The following DNAH3 variants were observed in gnomAD, a reference collection of about 807,000 sequenced individuals.
DNAH3 encodes the protein dynein axonemal heavy chain 3.
A neutral mutation model predicts 432.5 loss-of-function variants in DNAH3; 332 were observed. The ratio of observed to expected loss-of-function variants is 0.77; its 90% CI spans 0.70 to 0.84. DNAH3 has a LOEUF of 0.84. DNAH3 is among the 40% of genes least tolerant of loss of function. The probability of loss-of-function intolerance (pLI) is 0.00; values close to 1 mark genes in which losing one functional copy is unlikely to be tolerated. For synonymous variants in DNAH3, 1,956 were observed against 1,900.2 expected (o/e 1.03, Z -0.76); for missense variants, 4,861 against 5,114.0 (o/e 0.95, Z 1.51).
At chr16:21,028,436 AGATCAC>A (rs1433519569) in intron 37 of DNAH3, among the ~76,000 whole-genome samples, 1 of 151,634 alleles carries the variant, frequency 6.6e-6, no homozygotes, top group Admixed American at 6.6e-5. Context: ...CGAGGAAGGC[AGATCAC>A]TTGAGGTCAG....
chr16:21,045,035 G>C (rs1178129250), intron 31 of DNAH3, among the ~76,000 whole-genome samples: 1 of 152,126 alleles, frequency 6.6e-6, no homozygotes, highest in African/African-American at 2.4e-5. Flanking sequence ...TACTTGATCA[G>C]GGTGGATAAG....
Position 20,964,521 on chromosome 16 carries a change from TA to T in DNAH3, c.9362del (p.Leu3121Ter). 3 of 1,614,172 alleles carry T rather than the reference TA, an allele frequency of 1.9e-6. No homozygotes were observed. The highest frequency in any genetic ancestry group is 2.5e-6 in the Non-Finnish European group (3 of 1,180,030). On this transcript the variant is annotated frameshift_variant, in exon 53 of 62. Coordinates refer to ENST00000261383, the Ensembl canonical transcript of DNAH3. LOFTEE classifies it high-confidence loss of function. Reference sequence around the variant, plus strand: ...TGTTTTCAATCAAGACAGGGGTGCCTAACTGCAGCGCGTTTTCCAGCATCCT... The same window carrying T: ...TGTTTTCAATCAAGACAGGGGTGCCTACTGCAGCGCGTTTTCCAGCATCCT...
At chr16:21,124,552 T>G (rs2092407203) in intron 9 of DNAH3, among the ~76,000 whole-genome samples, 1 of 152,208 alleles carries the variant, frequency 6.6e-6, no homozygotes, top group South Asian at 2.1e-4. Context: ...AATTAAAAAA[T>G]TGATACTGAT....
At chr16:20,979,358 A>G (rs2085747109) in exon 50 of DNAH3, 1 of 1,613,976 alleles carries the variant, frequency 6.2e-7, no homozygotes, top group South Asian at 1.1e-5. Context: ...GAGTTTCTGC[A>G]AGCCTGTCAG....
At chr16:21,000,937 A>G (rs1045918101) in intron 42 of DNAH3, among the ~76,000 whole-genome samples, 3 of 152,202 alleles carry the variant, frequency 2.0e-5, no homozygotes, top group Non-Finnish European at 4.4e-5. Context: ...GGATCAGTCC[A>G]TAGCTGCTGT....
chr16:21,014,940 G>C (rs2087787318), intron 41 of DNAH3, among the ~76,000 whole-genome samples: 2 of 149,272 alleles, frequency 1.3e-5, no homozygotes, highest in South Asian at 2.1e-4. Context: ...ATAAAAAACA[G>C]TCTAAATAAA....
chr16:20,964,477 G>GCATCCAGCTCTTCTCCAAAC lies in DNAH3; in HGVS notation c.9406_9407insGTTTGGAGAAGAGCTGGATG (p.Ala3136GlyfsTer27). The GCATCCAGCTCTTCTCCAAAC allele has an allele frequency of 6.2e-7, 1 of 1,614,202 alleles. No homozygotes were observed. Among genetic ancestry groups the GCATCCAGCTCTTCTCCAAAC allele is most frequent in the South Asian group, 1.1e-5 (1 of 91,072 alleles). Reference sequence around the variant, plus strand: ...CTTGAGCAAGATAGGTTCGATAGAAGCATCCAGCTCTTCTCCAATGTTTTC... The same window carrying GCATCCAGCTCTTCTCCAAAC: ...CTTGAGCAAGATAGGTTCGATAGAAGCATCCAGCTCTTCTCCAAACCATCCAGCTCTTCTCCAATGTTTTC... On this transcript the variant is annotated frameshift_variant, in exon 53 of 62. Coordinates refer to ENST00000261383, the Ensembl canonical transcript of DNAH3. LOFTEE classifies it high-confidence loss of function.
intron 41 of DNAH3, among the ~76,000 whole-genome samples, chr16:21,005,336 TTTCCTTCC>T (rs995464196): frequency 7.2e-6 from 1 of 139,200 alleles, no homozygotes; most frequent in Non-Finnish European, 1.6e-5. Flanking sequence ...TCCTTCCTTC[TTTCCTTCC>T]TTCCTTCCTC....
chr16:21,136,222 T>C (rs2092641035), intron 6 of DNAH3, 102 bp downstream of exon 7: 6 of 1,166,520 alleles, frequency 5.1e-6, no homozygotes, highest in Non-Finnish European at 7.4e-6. Context: ...CAGACCAGCC[T>C]GAGCAACAAA....
At chr16:20,969,611 C>T (rs762246986) in intron 52 of DNAH3, among the ~76,000 whole-genome samples, 181 bp downstream of exon 52, 1 of 152,242 alleles carries the variant, frequency 6.6e-6, no homozygotes, top group African/African-American at 2.4e-5. Flanking sequence ...GGGCGGAGGC[C>T]GCTGGAGAAG....
chr16:21,075,679 G>C (rs894222301), intron 20 of DNAH3, 118 bp from the exon 21 acceptor site: 1 of 765,846 alleles, frequency 1.3e-6, no homozygotes. Context: ...TTGGGAGGCC[G>C]AGGAGGGAAG....
intron 44 of DNAH3, among the ~76,000 whole-genome samples, chr16:20,990,099 G>C (rs1380060966): frequency 6.6e-6 from 1 of 152,242 alleles, no homozygotes; most frequent in Non-Finnish European, 1.5e-5. Context: ...ATAGTGCAGC[G>C]GTGGGCTGAA....
exon 19 of DNAH3, chr16:21,086,978 G>C (rs1376836582): frequency 1.2e-6 from 2 of 1,614,144 alleles, no homozygotes; most frequent in East Asian, 2.2e-5. Flanking sequence ...CATCAGACAA[G>C]GTCTTGATCA....
In DNAH3 at chr16:21,098,783, C is replaced by T; in HGVS notation, c.2367-14G>A. 3 of 1,606,690 alleles carry T rather than the reference C, an allele frequency of 1.9e-6. No individual in the cohort carries two copies. The highest frequency in any genetic ancestry group is 1.7e-6 in the Non-Finnish European group (2 of 1,177,762). ...AATTCTGAGCATCTGAAAATAAAGA[C>T]AGCCTGGTTACCTTTGGACTTTGCA... On this transcript the variant is annotated splice_polypyrimidine_tract_variant and intron_variant, in intron 16 of 61. Transcript: ENST00000261383.
At chr16:21,015,843 T>C (rs774694525) in intron 41 of DNAH3, among the ~76,000 whole-genome samples, 5 of 152,084 alleles carry the variant, frequency 3.3e-5, no homozygotes, top group Non-Finnish European at 7.4e-5. Flanking sequence ...CCAGGTTGGA[T>C]TGCAGTGGTG....
chr16:21,041,928 C>T, intron 32 of DNAH3, 99 bp downstream of exon 32: 1 of 1,420,522 alleles, frequency 7.0e-7, no homozygotes, highest in South Asian at 1.2e-5. Context: ...CCACCTTGGC[C>T]TCCCAAAGTG....
At chr16:21,116,958 G>C (rs1278077166) in intron 12 of DNAH3, among the ~76,000 whole-genome samples, 1 of 152,194 alleles carries the variant, frequency 6.6e-6, no homozygotes, top group Non-Finnish European at 1.5e-5. Flanking sequence ...TCAGATAATG[G>C]AGGTGGATCT....
intron 9 of DNAH3, among the ~76,000 whole-genome samples, chr16:21,124,138 A>G (rs150553445): frequency 1.3e-5 from 2 of 152,318 alleles, no homozygotes; most frequent in East Asian, 3.9e-4. Flanking sequence ...GTTTCATGAA[A>G]GAATTTCTTA....
At position 20,962,676 on chromosome 16, in the gene DNAH3, G is replaced by A. The variant is rs565200323; in HGVS notation, c.10600+608C>T. On this transcript the variant is annotated intron_variant, in intron 53 of 61. Transcript: ENST00000261383. ...AGCTTCTATTTTGTTCTTTTTTGGG[G>A]GGAGGGGGCAGGGTCTGTCACCTAG... Among the ~76,000 whole-genome samples the A allele has an allele frequency of 6.6e-5, 10 of 152,182 alleles. No individual in the cohort carries two copies. The East Asian group carries it at 1.9e-3, about 29-fold the overall frequency.
Sources: gnomAD v4.1 joint callset for allele counts (sites outside exome capture counted in the v4.1 genomes callset) on GRCh38, gnomAD v4.1.1 for gene constraint, MANE v1.5 for transcripts, NCBI Gene and HGNC (gene_info 2026-07-23, HGNC 2026-07-21) for gene names.